DPEP1: variants seen among roughly 807,000 people sequenced by gnomAD.
DPEP1 encodes beta-lactamase.
A neutral mutation model predicts 42.3 loss-of-function variants in DPEP1; 50 were observed. That is an observed-to-expected ratio of 1.18 (90% CI 0.94 to 1.50). The LOEUF (loss-of-function observed/expected upper bound fraction) is 1.50, where lower values mean the gene tolerates loss of function less well. Ranked by LOEUF, DPEP1 falls within the 40% of genes most tolerant of loss-of-function variation. DPEP1 has a pLI of 0.00. For missense variants in DPEP1, 663 were observed against 553.0 expected, an observed-to-expected ratio of 1.20 and a Z score of -1.99; for synonymous variants, 297 against 234.0, an observed-to-expected ratio of 1.27 and a Z score of -2.46.
intron 6 of DPEP1, 114 bp from the exon 7 acceptor site, chr16:89,637,090 G>T: frequency 6.5e-7 from 1 of 1,531,664 alleles, no homozygotes; most frequent in South Asian, 1.3e-5. Flanking sequence ...TGAGCCCTGA[G>T]TGGCCCCGGA....
intron 1 of DPEP1, among the ~76,000 whole-genome samples, chr16:89,629,733 G>A (rs2059560503): frequency 6.6e-6 from 1 of 152,212 alleles, no homozygotes; most frequent in Non-Finnish European, 1.5e-5. Flanking sequence ...CTAAGGACGT[G>A]TCTAGCTGCT....
chr16:89,616,686 C>G (rs1280461558), intron 1 of DPEP1, among the ~76,000 whole-genome samples: 1 of 152,284 alleles, frequency 6.6e-6, no homozygotes, highest in East Asian at 1.9e-4. Context: ...TGGGCCTTCT[C>G]CCCTCAGCAC....
chr16:89,614,789 C>T (rs1055413448), intron 1 of DPEP1, among the ~76,000 whole-genome samples: 6 of 152,012 alleles, frequency 3.9e-5, no homozygotes, highest in African/African-American at 9.7e-5. Context: ...AGCGAGACTC[C>T]GTATCCAAAA....
intron 1 of DPEP1, among the ~76,000 whole-genome samples, chr16:89,614,052 G>A (rs1484285849): frequency 1.3e-5 from 2 of 150,914 alleles, no homozygotes; most frequent in Non-Finnish European, 3.0e-5. Context: ...CAGGTGTGTG[G>A]GGCAGGGGAC....
chr16:89,634,298 A>G (rs1207344421), intron 2 of DPEP1, among the ~76,000 whole-genome samples: 2 of 152,038 alleles, frequency 1.3e-5, no homozygotes. Context: ...CATGTTAGCC[A>G]GGATGATCTC....
chr16:89,623,692 C>G (rs1309397196), intron 1 of DPEP1, among the ~76,000 whole-genome samples: 2 of 151,802 alleles, frequency 1.3e-5, no homozygotes, highest in African/African-American at 4.8e-5. Context: ...TGCTGGGAGA[C>G]AAAACAGAGG....
At chr16:89,632,828 T>C (rs1201858844) in intron 2 of DPEP1, among the ~76,000 whole-genome samples, 1 of 151,694 alleles carries the variant, frequency 6.6e-6, no homozygotes, top group Admixed American at 6.6e-5. Context: ...GAGACCGAGG[T>C]GGGAGGACTG....
intron 6 of DPEP1, 119 bp from the exon 7 acceptor site, chr16:89,637,085 C>A (rs919260834): frequency 7.2e-6 from 11 of 1,528,460 alleles, no homozygotes; most frequent in East Asian, 2.3e-5. Flanking sequence ...GGTGCTGAGC[C>A]CTGAGTGGCC....
chr16:89,615,539 G>C (rs1029238363), intron 1 of DPEP1, among the ~76,000 whole-genome samples: 3 of 152,228 alleles, frequency 2.0e-5, no homozygotes. Context: ...GTGGGTTAAA[G>C]GGCAGGACAC....
At chr16:89,629,981 T>C (rs978810444) in intron 1 of DPEP1, among the ~76,000 whole-genome samples, 48 of 152,310 alleles carry the variant, frequency 3.2e-4, no homozygotes, top group African/African-American at 1.1e-3. Context: ...CTTGCAGATC[T>C]AGGCCCCCGG....
chr16:89,627,835 T>C (rs900833322), intron 1 of DPEP1, among the ~76,000 whole-genome samples: 1 of 151,394 alleles, frequency 6.6e-6, no homozygotes, highest in East Asian at 2.0e-4. Context: ...AATTTTTGTA[T>C]TTTTAGTAGA....
intron 1 of DPEP1, among the ~76,000 whole-genome samples, chr16:89,623,918 C>T (rs1042901440): frequency 2.6e-5 from 4 of 152,110 alleles, no homozygotes; most frequent in Admixed American, 2.0e-4. Context: ...GCTGAGAAGT[C>T]GTGGCGCTCC....
intron 1 of DPEP1, among the ~76,000 whole-genome samples, chr16:89,630,034 C>G (rs1257018648): frequency 6.6e-6 from 1 of 152,142 alleles, no homozygotes; most frequent in Non-Finnish European, 1.5e-5. Context: ...ACAGCTAGAG[C>G]CAACAGCCAC....
chr16:89,632,332 C>T (rs1165390396), intron 2 of DPEP1, among the ~76,000 whole-genome samples: 5 of 152,326 alleles, frequency 3.3e-5, no homozygotes, highest in South Asian at 2.1e-4. Flanking sequence ...GGATTCCAGG[C>T]GTGAGCCACC....
intron 2 of DPEP1, among the ~76,000 whole-genome samples, chr16:89,631,041 C>T (rs1211489673): frequency 1.3e-5 from 2 of 152,082 alleles, no homozygotes; most frequent in African/African-American, 4.8e-5. Context: ...AGCCTGCGGA[C>T]GTGGAGGCCC....
chr16:89,637,139 G>T, intron 6 of DPEP1, 65 bp from the exon 7 acceptor site: 1 of 1,570,744 alleles, frequency 6.4e-7, no homozygotes, highest in Non-Finnish European at 8.6e-7. Flanking sequence ...ATCTGGTCCA[G>T]CCCGTCCACC....
At chr16:89,636,781 G>T in intron 5 of DPEP1, 85 bp from the exon 6 acceptor site, 1 of 1,601,926 alleles carries the variant, frequency 6.2e-7, no homozygotes, top group African/African-American at 1.3e-5. Context: ...CTGCCTGTGA[G>T]TCCCAGGCCG....
chr16:89,632,202 A>T (rs1040835462), intron 2 of DPEP1, among the ~76,000 whole-genome samples: 2 of 152,086 alleles, frequency 1.3e-5, no homozygotes, highest in Admixed American at 6.5e-5. Context: ...GGCGCCCGCC[A>T]CCAAGCCCGG....
rs1280263488 is a variant in DPEP1, at chr16:89,635,980, C to A, written c.177C>A (p.Thr59=). 2 of 1,612,228 alleles carry A rather than the reference C, an allele frequency of 1.2e-6. No individual in the cohort carries two copies. Among genetic ancestry groups the A allele is most frequent in the African/African-American group, 2.7e-5 (2 of 74,906 alleles). ...NRLQDERANL[T]TLAGTHTNIP... is the part of the protein sequence containing the mutation. ...TGCAGGACGAGAGGGCCAACCTGACCACCTTGGCCGGCACACACACCAACA... is the reference window on the plus strand; with the variant it reads ...TGCAGGACGAGAGGGCCAACCTGACAACCTTGGCCGGCACACACACCAACA... Residue 59 remains threonine (T), a synonymous_variant, in exon 3 of 11, where the codon ACC becomes ACA. Transcript: ENST00000690203.
Sources: allele counts gnomAD v4.1 joint callset (sites outside exome capture counted in the v4.1 genomes callset), GRCh38; gene constraint gnomAD v4.1.1; transcripts MANE v1.5; gene names NCBI Gene and HGNC (gene_info 2026-07-23, HGNC 2026-07-21).